Variants in MRAP observed in about 807,000 individuals in gnomAD.
MRAP encodes melanocortin 2 receptor accessory protein, also known as melanocortin-2 receptor accessory protein.
Under a neutral mutation model 8.7 loss-of-function variants are expected in MRAP, and 8 were observed. The ratio of observed to expected loss-of-function variants is 0.92; its 90% CI spans 0.54 to 1.66. MRAP has a LOEUF of 1.66. Ranked by LOEUF, MRAP falls within the 40% of genes most tolerant of loss-of-function variation. The probability of loss-of-function intolerance (pLI) is 0.00; values close to 1 mark genes in which losing one functional copy is unlikely to be tolerated. For synonymous variants in MRAP, 95 were observed against 95.5 expected, an observed-to-expected ratio of 1.00 and a Z score of 0.03; for missense variants, 237 against 217.1, an observed-to-expected ratio of 1.09 and a Z score of -0.58.
At chr21:32,300,385 C>T (rs576257614) in intron 1 of MRAP, among the ~76,000 whole-genome samples, 3 of 148,112 alleles carry the variant, frequency 2.0e-5, no homozygotes, top group Admixed American at 6.9e-5. Context: ...ATGTCAGGGG[C>T]GTCACGCATC....
At chr21:32,292,384 T>C (rs1322365147) in intron 1 of MRAP, among the ~76,000 whole-genome samples, 1 of 152,246 alleles carries the variant, frequency 6.6e-6, no homozygotes, top group Non-Finnish European at 1.5e-5. Context: ...ATGATAAAAA[T>C]TGAGTTTTTA....
chr21:32,295,034 T>C (rs2032115863), upstream of MRAP, among the ~76,000 whole-genome samples: 1 of 151,538 alleles, frequency 6.6e-6, no homozygotes, highest in African/African-American at 2.4e-5. Flanking sequence ...TAGTATTCTA[T>C]CCAAGGCAAC....
upstream of MRAP, among the ~76,000 whole-genome samples, chr21:32,297,977 A>G (rs1236330519): frequency 1.3e-5 from 2 of 152,170 alleles, no homozygotes; most frequent in African/African-American, 2.4e-5. Flanking sequence ...GATACTGTAG[A>G]CCTGAATCAA....
Position 32,311,942 on chromosome 21 carries a change from G to A in MRAP, c.465G>A (p.Arg155=), listed in dbSNP as rs376924425. 3.1e-6 allele frequency: 5 copies of A among 1,613,536 alleles called. No homozygotes were observed. The highest frequency in any genetic ancestry group is 1.7e-5 in the Admixed American group (1 of 60,014). The change falls in exon 3 of 3, where the codon AGG becomes AGA. Residue 155 remains arginine (R), a synonymous_variant. Coordinates refer to ENST00000303645, the MANE Select transcript of MRAP (RefSeq NM_001379228.1). ...ELTLNGGPLV[R]SKPSEPPPGD... is the part of the protein sequence containing the mutation. ...CCCTCAATGGGGGTCCCCTCGTCAG[G>A]AGCAAGCCCAGCGAGCCTCCCCCTG... is the stretch of plus-strand genomic sequence containing the variant.
chr21:32,304,850 G>C (rs991498507), intron 1 of MRAP, among the ~76,000 whole-genome samples: 3 of 151,996 alleles, frequency 2.0e-5, no homozygotes, highest in African/African-American at 7.3e-5. Flanking sequence ...TGCCCCCGTG[G>C]AGTGTAAATG....
intron 1 of MRAP, among the ~76,000 whole-genome samples, chr21:32,301,769 G>C (rs1383840333): frequency 1.3e-5 from 2 of 152,086 alleles, no homozygotes; most frequent in Non-Finnish European, 2.9e-5. Flanking sequence ...GGGTTAAGAA[G>C]AACTGGTCAT....
downstream of MRAP, chr21:32,314,606 A>G: frequency 6.2e-7 from 1 of 1,614,180 alleles, no homozygotes; most frequent in Non-Finnish European, 8.5e-7. Flanking sequence ...AACTCGAGCT[A>G]TTTCCTGTGA....
chr21:32,301,039 A>T (rs1417333133), intron 1 of MRAP, among the ~76,000 whole-genome samples: 1 of 151,402 alleles, frequency 6.6e-6, no homozygotes, highest in African/African-American at 2.4e-5. Flanking sequence ...TATATCAAAT[A>T]TATCATATGA....
At position 32,311,918 on chromosome 21, in the gene MRAP, C is replaced by A; in HGVS notation, c.441C>A (p.Thr147=). ...ACCCCACTCTCCTCTGGGAACTGACCCTCAATGGGGGTCCCCTCGTCAGGA... is the reference window on the plus strand; with the variant it reads ...ACCCCACTCTCCTCTGGGAACTGACACTCAATGGGGGTCCCCTCGTCAGGA... ...QTHPTLLWEL[T]LNGGPLVRSK... is the part of the protein sequence containing the mutation. The change falls in exon 3 of 3, where the codon ACC becomes ACA. Residue 147 remains threonine, a synonymous_variant. Coordinates refer to ENST00000303645, the MANE Select transcript of MRAP (RefSeq NM_001379228.1). 6.2e-7 allele frequency: 1 copy of A among 1,613,840 alleles called. No individual in the cohort carries two copies. The highest frequency in any genetic ancestry group is 1.1e-5 in the South Asian group (1 of 91,080).
At chr21:32,295,281 G>T (rs1360512757), upstream of MRAP, among the ~76,000 whole-genome samples, 2 of 152,186 alleles carry the variant, frequency 1.3e-5, no homozygotes, top group Non-Finnish European at 2.9e-5. Flanking sequence ...GCGAGATCAA[G>T]TGCACAACTG....
chr21:32,302,576 G>A (rs186159591), intron 1 of MRAP, among the ~76,000 whole-genome samples: 6 of 152,302 alleles, frequency 3.9e-5, no homozygotes, highest in Admixed American at 2.6e-4. Context: ...TACAGGACTG[G>A]GCTAGTGAGG....
At chr21:32,310,862 G>A (rs982927762) in intron 2 of MRAP, among the ~76,000 whole-genome samples, 4 of 152,030 alleles carry the variant, frequency 2.6e-5, no homozygotes, top group Admixed American at 2.6e-4. Flanking sequence ...GGCCAGGATT[G>A]TCTCGATCTC....
intron 1 of MRAP, among the ~76,000 whole-genome samples, chr21:32,305,380 T>A (rs992470189): frequency 7.9e-5 from 12 of 152,188 alleles, no homozygotes; most frequent in Non-Finnish European, 1.3e-4. Context: ...AGAGATGACA[T>A]CCTTTACTCA....
chr21:32,301,295 T>C (rs980759875), intron 1 of MRAP, among the ~76,000 whole-genome samples: 2 of 152,186 alleles, frequency 1.3e-5, no homozygotes, highest in Non-Finnish European at 2.9e-5. Flanking sequence ...TTTGTGCTTA[T>C]GCTCTGATGT....
chr21:32,306,519 G>A, intron 1 of MRAP, 121 bp from the exon 2 acceptor site: 1 of 762,122 alleles, frequency 1.3e-6, no homozygotes, highest in Non-Finnish European at 2.3e-6. Flanking sequence ...CAGCTGAGAG[G>A]CTGGAGGACA....
chr21:32,296,358 T>A (rs1021756710), upstream of MRAP, among the ~76,000 whole-genome samples: 1 of 152,214 alleles, frequency 6.6e-6, no homozygotes, highest in Non-Finnish European at 1.5e-5. Context: ...CACAGTGTTG[T>A]ACACACCTGG....
intron 1 of MRAP, among the ~76,000 whole-genome samples, chr21:32,300,906 CAT>C (rs2032277276): frequency 1.3e-5 from 2 of 149,370 alleles, no homozygotes; most frequent in South Asian, 2.1e-4. Context: ...GTCGGGGCGT[CAT>C]GTGTCTATGT....
At chr21:32,296,700 TATG>T (rs1486328758), upstream of MRAP, among the ~76,000 whole-genome samples, 2 of 152,194 alleles carry the variant, frequency 1.3e-5, no homozygotes, top group African/African-American at 4.8e-5. Flanking sequence ...ATGATAGTAT[TATG>T]ATATTATTAG....
chr21:32,303,984 A>G lies in MRAP; in HGVS notation c.107-2656A>G, dbSNP rs187381330. ...AACCTGTCATCTTATTTCTTGCTCA[A>G]TATCTGGGGATGACGATAAGGACTC... On this transcript the variant is annotated intron_variant, in intron 1 of 2. Transcript: ENST00000303645. Among the ~76,000 whole-genome samples the G allele has an allele frequency of 4.0e-3, 605 of 152,302 alleles. 3 individuals are homozygous for G. Among genetic ancestry groups the G allele is most frequent in the South Asian group, 0.027 (130 of 4,820 alleles).
Sources: allele counts gnomAD v4.1 joint callset (sites outside exome capture counted in the v4.1 genomes callset), GRCh38; gene constraint gnomAD v4.1.1; transcripts MANE v1.5; gene names NCBI Gene and HGNC (gene_info 2026-07-23, HGNC 2026-07-21).